Variants in EIF4H observed in about 807,000 individuals in gnomAD.
EIF4H encodes the protein Williams-Beuren syndrome chromosome region 1.
Under a neutral mutation model 30.6 loss-of-function variants are expected in EIF4H, and 8 were observed. That is an observed-to-expected ratio of 0.26 (90% CI 0.15 to 0.47). The LOEUF (loss-of-function observed/expected upper bound fraction) is 0.47. EIF4H is among the 20% of genes least tolerant of loss of function. EIF4H has a pLI of 0.99. For missense variants in EIF4H, 188 were observed against 339.5 expected (o/e 0.55, Z 3.51); for synonymous variants, 106 against 122.7 (o/e 0.86, Z 0.90).
chr7:74,190,072 G>A, intron 4 of EIF4H, 154 bp downstream of exon 4: 1 of 1,129,640 alleles, frequency 8.9e-7, no homozygotes, highest in Non-Finnish European at 1.2e-6. Flanking sequence ...AGAAAGAATG[G>A]CTGATGCTTC....
chr7:74,175,350 A>C (rs1344107668), intron 1 of EIF4H, among the ~76,000 whole-genome samples: 1 of 152,210 alleles, frequency 6.6e-6, no homozygotes, highest in Non-Finnish European at 1.5e-5. Flanking sequence ...TGTCAAGGAC[A>C]CACTTGGGCT....
chr7:74,184,776 A>T (rs1406739562), intron 1 of EIF4H, among the ~76,000 whole-genome samples: 1 of 151,998 alleles, frequency 6.6e-6, no homozygotes, highest in Non-Finnish European at 1.5e-5. Flanking sequence ...ACACAGTCTC[A>T]GCTCACTGCA....
chr7:74,188,319 G>A (rs1563952445), intron 2 of EIF4H, among the ~76,000 whole-genome samples: 1 of 152,160 alleles, frequency 6.6e-6, no homozygotes, highest in Non-Finnish European at 1.5e-5. Flanking sequence ...GTGTCTGCAG[G>A]GTGCGGGAGC....
chr7:74,191,067 G>A (rs782061138), intron 5 of EIF4H: 11 of 429,120 alleles, frequency 2.6e-5, no homozygotes, highest in East Asian at 7.1e-5. Context: ...AAACAAAACC[G>A]GTGTAAAGTA....
In EIF4H at chr7:74,195,433, A is replaced by T; in HGVS notation, c.*125A>T. On this transcript the variant is annotated 3_prime_UTR_variant, in exon 7 of 7. Transcript: ENST00000265753. ...CCATTGGCCTCCTCACAGCGGAAAC[A>T]CAGCTTGTGAGTGCATGTCAGCTGT... 1 of 1,156,330 alleles carries T rather than the reference A, an allele frequency of 8.6e-7. No homozygotes were observed. The highest frequency in any genetic ancestry group is 1.2e-6 in the Non-Finnish European group (1 of 828,738). The allele number at this position is 1,156,330 out of a possible 1,614,324, so 71.6% of individuals were successfully genotyped here. A position where few individuals can be genotyped will look rare whatever the true frequency, so the allele number is the denominator to read the frequency against.
intron 1 of EIF4H, among the ~76,000 whole-genome samples, chr7:74,186,788 A>AATTTTTTTTTT (rs1801089805): frequency 5.7e-5 from 4 of 70,122 alleles, no homozygotes; most frequent in Non-Finnish European, 1.2e-4. Flanking sequence ...ACAAGGAGAA[A>AATTTTTTTTTT]TTTTTTTTTT....
chr7:74,186,520 T>C (rs1801083375), intron 1 of EIF4H, among the ~76,000 whole-genome samples: 1 of 152,140 alleles, frequency 6.6e-6, no homozygotes, highest in African/African-American at 2.4e-5. Context: ...AAATAAAGCT[T>C]AGAGAAGTTG....
At chr7:74,183,557 CTGTTCTCCCATGTGT>C (rs1422826576) in intron 1 of EIF4H, among the ~76,000 whole-genome samples, 37 of 152,350 alleles carry the variant, frequency 2.4e-4, no homozygotes, top group Admixed American at 4.6e-4. Flanking sequence ...TCAAGTGAAC[CTGTTCTCCCATGTGT>C]TGTTATTGAT....
At chr7:74,186,843 G>A (rs1441414856) in intron 1 of EIF4H, among the ~76,000 whole-genome samples, 1 of 90,596 alleles carries the variant, frequency 1.1e-5, no homozygotes, top group African/African-American at 4.1e-5. Context: ...TTTTTTTTGA[G>A]ACGGAGTCTC....
chr7:74,191,357 C>T (rs1252293727), intron 5 of EIF4H: 7 of 504,670 alleles, frequency 1.4e-5, no homozygotes, highest in East Asian at 5.7e-5. Flanking sequence ...GTTTGGTATT[C>T]GCAGGTGTTA....
At chr7:74,181,247 G>A (rs146430701) in intron 1 of EIF4H, among the ~76,000 whole-genome samples, 169 of 152,182 alleles carry the variant, frequency 1.1e-3, no homozygotes, top group African/African-American at 3.9e-3. Context: ...GGAGGTGTGG[G>A]CTAGGATAAT....
At chr7:74,184,405 C>G (rs921284633) in intron 1 of EIF4H, among the ~76,000 whole-genome samples, 1 of 151,954 alleles carries the variant, frequency 6.6e-6, no homozygotes, top group Non-Finnish European at 1.5e-5. Context: ...TTTATCATCT[C>G]TCTTCATCCT....
intron 1 of EIF4H, among the ~76,000 whole-genome samples, chr7:74,179,456 G>T (rs1171552040): frequency 2.6e-5 from 4 of 151,976 alleles, no homozygotes; most frequent in African/African-American, 9.6e-5. Flanking sequence ...ACATGGCAAA[G>T]CCCCATCTCT....
chr7:74,180,080 C>T (rs111377415), intron 1 of EIF4H, among the ~76,000 whole-genome samples: 3,316 of 152,066 alleles, frequency 0.022, 112 homozygotes, highest in African/African-American at 0.073. Context: ...GCCTATAGTC[C>T]CACCTACTTG....
At chr7:74,177,131 A>C (rs1431158462) in intron 1 of EIF4H, among the ~76,000 whole-genome samples, 1 of 152,104 alleles carries the variant, frequency 6.6e-6, no homozygotes, top group Non-Finnish European at 1.5e-5. Flanking sequence ...TCTTTTTTAA[A>C]TAGAGATGGG....
chr7:74,193,211 G>A (rs1801264542), intron 5 of EIF4H, among the ~76,000 whole-genome samples: 1 of 152,188 alleles, frequency 6.6e-6, no homozygotes, highest in African/African-American at 2.4e-5. Context: ...AGACAGCGAT[G>A]TCACCAGAAA....
At chr7:74,176,759 T>TC (rs1341606124) in intron 1 of EIF4H, among the ~76,000 whole-genome samples, 2 of 152,344 alleles carry the variant, frequency 1.3e-5, no homozygotes, top group East Asian at 3.9e-4. Context: ...TAAGGGCATG[T>TC]CCCCAGCAGC....
At chr7:74,176,523 G>T (rs1390804918) in intron 1 of EIF4H, among the ~76,000 whole-genome samples, 1 of 152,192 alleles carries the variant, frequency 6.6e-6, no homozygotes, top group African/African-American at 2.4e-5. Context: ...ACTTGTGTAG[G>T]CACCTTCTCC....
At chr7:74,194,593 T>G in intron 5 of EIF4H, 148 bp from the exon 6 acceptor site, 1 of 1,194,102 alleles carries the variant, frequency 8.4e-7, no homozygotes, top group Non-Finnish European at 1.1e-6. Flanking sequence ...TGGACCCACT[T>G]TTAACACACT....
Sources: gnomAD v4.1 joint callset for allele counts (sites outside exome capture counted in the v4.1 genomes callset) on GRCh38, gnomAD v4.1.1 for gene constraint, MANE v1.5 for transcripts, NCBI Gene and HGNC (gene_info 2026-07-23, HGNC 2026-07-21) for gene names.